The following PTK2 variants were observed in gnomAD, a reference collection of about 807,000 sequenced individuals.
PTK2 encodes the protein protein tyrosine kinase 2.
Under a neutral mutation model 150.1 loss-of-function variants are expected in PTK2, and 45 were observed. The ratio of observed to expected loss-of-function variants is 0.30; its 90% CI spans 0.24 to 0.38. The LOEUF (loss-of-function observed/expected upper bound fraction) is 0.38. Among genes scored for constraint, PTK2 ranks in the 10% least tolerant of loss-of-function variants. PTK2 has a pLI of 1.00. For missense variants in PTK2, 919 were observed against 1,307.3 expected, an observed-to-expected ratio of 0.70 and a Z score of 4.58; for synonymous variants, 432 against 449.2, an observed-to-expected ratio of 0.96 and a Z score of 0.48.
At chr8:140,981,592 C>T (rs2100191439) in intron 1 of PTK2, among the ~76,000 whole-genome samples, 1 of 152,150 alleles carries the variant, frequency 6.6e-6, no homozygotes, top group Non-Finnish European at 1.5e-5. Context: ...AACCTGTGAG[C>T]TAAAAATGGT....
rs573557980 is a variant in PTK2 at position 140,673,159 on chromosome 8, G to GT, written c.2709+1138dup. Among the ~76,000 whole-genome samples, 20 of 151,368 alleles carry GT rather than the reference G, an allele frequency of 1.3e-4. No homozygotes were observed. In the East Asian group the frequency reaches 3.9e-3, roughly 29 times the overall value. The stretch of plus-strand genomic sequence containing the variant: ...ATCTTGCTCTGTCGCCCAGGCTGGA[G>GT]TGCAATGGCATGATCTTGACTCATT... On this transcript the variant is annotated intron_variant, in intron 29 of 31. Coordinates refer to ENST00000522684, the Ensembl canonical transcript of PTK2.
At chr8:140,882,713 G>A (rs2100149907) in intron 3 of PTK2, among the ~76,000 whole-genome samples, 1 of 152,270 alleles carries the variant, frequency 6.6e-6, no homozygotes, top group East Asian at 1.9e-4. Flanking sequence ...AGATTTCCTT[G>A]TTCTGAGGGA....
intron 1 of PTK2, among the ~76,000 whole-genome samples, chr8:140,956,833 G>A (rs1485539332): frequency 1.3e-5 from 2 of 152,198 alleles, no homozygotes; most frequent in Non-Finnish European, 2.9e-5. Flanking sequence ...GGGAGGCTGT[G>A]GGTGGATCAC....
intron 22 of PTK2, among the ~76,000 whole-genome samples, chr8:140,724,807 G>A (rs2100044852): frequency 6.6e-6 from 1 of 152,216 alleles, no homozygotes; most frequent in Non-Finnish European, 1.5e-5. Flanking sequence ...AAACCCTACC[G>A]TCTTTGCAGA....
chr8:140,982,741 CAGG>C (rs1220139980), intron 1 of PTK2, among the ~76,000 whole-genome samples: 1 of 152,184 alleles, frequency 6.6e-6, no homozygotes, highest in African/African-American at 2.4e-5. Context: ...CACATTTTAG[CAGG>C]AGTTGTCCAA....
intron 1 of PTK2, among the ~76,000 whole-genome samples, chr8:140,977,201 G>A (rs184072484): frequency 6.6e-6 from 1 of 152,174 alleles, no homozygotes; most frequent in Admixed American, 6.5e-5. Context: ...ACCAAGTTTG[G>A]CAACATAGTG....
At chr8:140,921,960 G>A (rs926590196) in intron 2 of PTK2, among the ~76,000 whole-genome samples, 3 of 152,128 alleles carry the variant, frequency 2.0e-5, no homozygotes, top group Non-Finnish European at 2.9e-5. Flanking sequence ...TTTGTTCTCC[G>A]AATGTACATA....
intron 31 of PTK2, among the ~76,000 whole-genome samples, chr8:140,661,090 G>C (rs1012016595): frequency 1.3e-5 from 2 of 152,324 alleles, no homozygotes; most frequent in Middle Eastern, 3.4e-3. Flanking sequence ...TTCACAGAGA[G>C]AATTTGTCTG....
chr8:140,789,352 T>C lies in PTK2; in HGVS notation c.1177+122A>G, dbSNP rs182036184. ...GATGGTAAAATTATGCAAATTTGGA[T>C]AGCCAGAATGCTTATTTTCATAAGC... On this transcript the variant is annotated intron_variant, in intron 14 of 31. Transcript: ENST00000522684. 9.2e-6 allele frequency: 8 copies of C among 868,344 alleles called. No individual in the cohort carries two copies. The African/African-American group carries it at 1.0e-4, about 11-fold the overall frequency. 53.8% of individuals were successfully genotyped at this position (868,344 alleles called of 1,614,324 possible).
At chr8:140,815,685 C>T (rs541781961) in intron 10 of PTK2, among the ~76,000 whole-genome samples, 1 of 151,948 alleles carries the variant, frequency 6.6e-6, no homozygotes, top group East Asian at 1.9e-4. Context: ...CAAATAGTTG[C>T]AAAAATTCTA....
intron 14 of PTK2, among the ~76,000 whole-genome samples, chr8:140,781,818 A>G (rs1301428655): frequency 6.6e-6 from 1 of 152,208 alleles, no homozygotes; most frequent in African/African-American, 2.4e-5. Context: ...ATGACCTCCA[A>G]GTATTCTTTT....
chr8:140,740,813 T>A (rs2100055227), intron 20 of PTK2, among the ~76,000 whole-genome samples: 1 of 152,240 alleles, frequency 6.6e-6, no homozygotes, highest in African/African-American at 2.4e-5. Flanking sequence ...AATAAACAAT[T>A]GATTTTCTTT....
intron 8 of PTK2, among the ~76,000 whole-genome samples, chr8:140,824,869 C>A (rs2100110944): frequency 1.3e-5 from 2 of 152,162 alleles, no homozygotes; most frequent in African/African-American, 4.8e-5. Flanking sequence ...TTATTTTAAA[C>A]CAATTTACAT....
At chr8:140,883,998 T>G (rs915858484) in intron 3 of PTK2, among the ~76,000 whole-genome samples, 4 of 152,130 alleles carry the variant, frequency 2.6e-5, no homozygotes, top group African/African-American at 7.2e-5. Flanking sequence ...CATGGTCGTC[T>G]TCTTCCCTCA....
chr8:140,895,079 A>G (rs2100155632), intron 2 of PTK2, among the ~76,000 whole-genome samples: 1 of 152,230 alleles, frequency 6.6e-6, no homozygotes, highest in Non-Finnish European at 1.5e-5. Flanking sequence ...AACAATTACA[A>G]AATAACTAGA....
chr8:140,877,849 A>T (rs1212942212), intron 4 of PTK2, among the ~76,000 whole-genome samples: 1 of 152,166 alleles, frequency 6.6e-6, no homozygotes, highest in African/African-American at 2.4e-5. Flanking sequence ...GCTTAAAAGA[A>T]CAACAACAAT....
At chr8:140,860,203 G>A (rs2100135238) in intron 5 of PTK2, among the ~76,000 whole-genome samples, 2 of 152,290 alleles carry the variant, frequency 1.3e-5, no homozygotes, top group Non-Finnish European at 2.9e-5. Flanking sequence ...CCTGTTGAAA[G>A]ACATCTGCAA....
intron 1 of PTK2, among the ~76,000 whole-genome samples, chr8:140,995,381 CAAAAA>C (rs34527935): frequency 1.1e-5 from 1 of 92,376 alleles, no homozygotes; most frequent in Non-Finnish European, 2.1e-5. Flanking sequence ...GACTCCGTCT[CAAAAA>C]AAAAAAAAAA....
rs765211170 is a variant in PTK2, at chr8:140,761,301, T to C, written c.1235-39A>G. 4.9e-6 allele frequency: 7 copies of C among 1,428,156 alleles called. 1 individual carries two copies. In the Admixed American group the frequency reaches 6.7e-5, roughly 14 times the overall value. 88.5% of individuals were successfully genotyped at this position (1,428,156 alleles called of 1,614,324 possible). On this transcript the variant is annotated intron_variant, in intron 15 of 31. Transcript: ENST00000522684. ...TTCACACATCAATACTTAAGTAAAA[T>C]ATTCCAAATGTAGAAATAACACTTG...
Sources: allele counts gnomAD v4.1 joint callset (sites outside exome capture counted in the v4.1 genomes callset), GRCh38; gene constraint gnomAD v4.1.1; transcripts MANE v1.5; gene names NCBI Gene and HGNC (gene_info 2026-07-23, HGNC 2026-07-21).